XKR4: variants seen among roughly 807,000 people sequenced by gnomAD.
XKR4 encodes XK-related protein 4.
In XKR4, 12 loss-of-function variants were observed where a neutral mutation model predicts 53.9. The observed-to-expected ratio is 0.22, with a 90% CI of 0.14 to 0.36. XKR4 has a LOEUF of 0.36. Ranked by LOEUF, XKR4 falls within the 10% of genes least tolerant of loss-of-function variation. The probability of loss-of-function intolerance (pLI) is 1.00; values close to 1 mark genes in which losing one functional copy is unlikely to be tolerated. For synonymous variants in XKR4, 354 were observed against 362.4 expected (o/e 0.98, Z 0.26); for missense variants, 799 against 859.5 (o/e 0.93, Z 0.88).
At chr8:55,304,088 G>A (rs937080368) in intron 1 of XKR4, among the ~76,000 whole-genome samples, 12 of 152,184 alleles carry the variant, frequency 7.9e-5, no homozygotes, top group African/African-American at 2.4e-4. Flanking sequence ...TAATTGTGAC[G>A]TTAGGGTGTC....
At chr8:55,414,766 T>A (rs940245820) in intron 2 of XKR4, among the ~76,000 whole-genome samples, 3 of 152,138 alleles carry the variant, frequency 2.0e-5, no homozygotes, top group Non-Finnish European at 4.4e-5. Flanking sequence ...ATCCATGCAA[T>A]TTTCCGAGCC....
At chr8:55,301,560 G>T (rs939088646) in intron 1 of XKR4, among the ~76,000 whole-genome samples, 3 of 152,116 alleles carry the variant, frequency 2.0e-5, no homozygotes, top group Admixed American at 2.0e-4. Context: ...AGATCCCTGA[G>T]GAATCGCCAC....
intron 1 of XKR4, among the ~76,000 whole-genome samples, chr8:55,266,490 C>A (rs1818603235): frequency 6.6e-6 from 1 of 152,024 alleles, no homozygotes; most frequent in African/African-American, 2.4e-5. Flanking sequence ...TTGCTAATGA[C>A]AGCACACAGA....
At chr8:55,259,215 C>T (rs113983228) in intron 1 of XKR4, among the ~76,000 whole-genome samples, 201 of 152,216 alleles carry the variant, frequency 1.3e-3, no homozygotes, top group African/African-American at 4.7e-3. Flanking sequence ...AGCTTTAGAT[C>T]CATGATTCTG....
chr8:55,462,833 A>C (rs999993822), intron 2 of XKR4, among the ~76,000 whole-genome samples: 1 of 152,170 alleles, frequency 6.6e-6, no homozygotes, highest in Non-Finnish European at 1.5e-5. Flanking sequence ...TCCTAGTCTC[A>C]GGTAAAACAG....
At chr8:55,294,742 A>G (rs185321227) in intron 1 of XKR4, among the ~76,000 whole-genome samples, 210 of 152,270 alleles carry the variant, frequency 1.4e-3, no homozygotes, top group African/African-American at 4.8e-3. Flanking sequence ...TTCCTTTAGC[A>G]TACTTCTATC....
At chr8:55,233,681 A>C (rs1413019312) in intron 1 of XKR4, among the ~76,000 whole-genome samples, 2 of 152,230 alleles carry the variant, frequency 1.3e-5, no homozygotes. Flanking sequence ...AAATGCCTGA[A>C]CTGTGATTTT....
intron 2 of XKR4, among the ~76,000 whole-genome samples, chr8:55,497,719 G>A (rs58407784): frequency 0.053 from 8,034 of 152,238 alleles, 603 homozygotes; most frequent in East Asian, 0.28. Flanking sequence ...CGAGCCTGCT[G>A]GATTATTCCA....
chr8:55,194,820 A>G (rs1354593581), intron 1 of XKR4, among the ~76,000 whole-genome samples: 1 of 152,210 alleles, frequency 6.6e-6, no homozygotes, highest in Non-Finnish European at 1.5e-5. Flanking sequence ...GGTATTAGTG[A>G]GTGGGAGGCA....
At position 55,421,613 on chromosome 8, in the gene XKR4, A is replaced by C. The variant is rs978555753; in HGVS notation, c.1006+63736A>C. ...AATAACAGTCATTGAAAATTAGCTG[A>C]TGGTAGTTATTTAACAAATTTAGGG... On this transcript the variant is annotated intron_variant, in intron 2 of 2. Coordinates refer to ENST00000327381, the MANE Select transcript of XKR4 (RefSeq NM_052898.2). Among the ~76,000 whole-genome samples, 9 of 152,298 alleles carry C rather than the reference A, an allele frequency of 5.9e-5. No homozygotes were observed. In the East Asian group the frequency reaches 1.7e-3, roughly 29 times the overall value.
At chr8:55,299,982 C>A (rs538956122) in intron 1 of XKR4, among the ~76,000 whole-genome samples, 3 of 152,116 alleles carry the variant, frequency 2.0e-5, no homozygotes, top group Non-Finnish European at 4.4e-5. Context: ...GAGAGGGAGG[C>A]CTTCTGGGAG....
chr8:55,496,384 C>CAAA (rs59482857), intron 2 of XKR4, among the ~76,000 whole-genome samples: 74 of 149,270 alleles, frequency 5.0e-4, no homozygotes, highest in African/African-American at 1.7e-3. Flanking sequence ...TTCTTTAAAA[C>CAAA]AAAAAAAAAA....
chr8:55,340,867 G>C (rs542619942), intron 1 of XKR4, among the ~76,000 whole-genome samples: 2 of 152,274 alleles, frequency 1.3e-5, no homozygotes, highest in South Asian at 4.1e-4. Context: ...GAAGGACCAG[G>C]GAGAGCAGCC....
chr8:55,356,646 AC>A (rs1408558922), intron 1 of XKR4, among the ~76,000 whole-genome samples: 1 of 152,236 alleles, frequency 6.6e-6, no homozygotes, highest in African/African-American at 2.4e-5. Context: ...TAAATAAAAT[AC>A]TTATAGATGA....
chr8:55,387,752 C>A (rs1585550786), intron 2 of XKR4, among the ~76,000 whole-genome samples: 1 of 152,176 alleles, frequency 6.6e-6, no homozygotes, highest in Admixed American at 6.5e-5. Context: ...GCTGTACCCA[C>A]ATGCAACCCA....
At chr8:55,182,397 T>C (rs1817323379) in intron 1 of XKR4, among the ~76,000 whole-genome samples, 1 of 152,154 alleles carries the variant, frequency 6.6e-6, no homozygotes, top group Non-Finnish European at 1.5e-5. Flanking sequence ...ATAATACAGA[T>C]TTTTCTACTA....
At chr8:55,477,571 G>A (rs996066632) in intron 2 of XKR4, among the ~76,000 whole-genome samples, 4 of 152,170 alleles carry the variant, frequency 2.6e-5, no homozygotes, top group African/African-American at 4.8e-5. Flanking sequence ...ACTTTGACAA[G>A]ATGAGAGAAG....
chr8:55,219,081 A>G (rs890703143), intron 1 of XKR4, among the ~76,000 whole-genome samples: 3 of 151,490 alleles, frequency 2.0e-5, no homozygotes, highest in Non-Finnish European at 4.4e-5. Flanking sequence ...AAAAAAGGAT[A>G]GTCATGAATC....
intron 1 of XKR4, among the ~76,000 whole-genome samples, chr8:55,193,933 G>A (rs1351302077): frequency 6.6e-6 from 1 of 152,176 alleles, no homozygotes; most frequent in African/African-American, 2.4e-5. Flanking sequence ...GAGTGGCTGG[G>A]AATGTGAGGC....
Sources: gnomAD v4.1 joint callset for allele counts (sites outside exome capture counted in the v4.1 genomes callset) on GRCh38, gnomAD v4.1.1 for gene constraint, MANE v1.5 for transcripts, NCBI Gene and HGNC (gene_info 2026-07-23, HGNC 2026-07-21) for gene names.